The following ZSCAN5A variants were observed in gnomAD, a reference collection of about 807,000 sequenced individuals.
The protein encoded by ZSCAN5A is zinc finger and SCAN domain containing 5A, also known as zinc finger and SCAN domain-containing protein 5A.
Under a neutral mutation model 23.7 loss-of-function variants are expected in ZSCAN5A, and 12 were observed. The observed-to-expected ratio is 0.51, with a 90% CI of 0.32 to 0.82. The LOEUF (loss-of-function observed/expected upper bound fraction) is 0.82. Ranked by LOEUF, ZSCAN5A falls within the 40% of genes least tolerant of loss-of-function variation. The probability of loss-of-function intolerance (pLI) is 0.03; values close to 1 mark genes in which losing one functional copy is unlikely to be tolerated. For synonymous variants in ZSCAN5A, 257 were observed against 239.9 expected (o/e 1.07, Z -0.66); for missense variants, 597 against 617.9 (o/e 0.97, Z 0.36).
In ZSCAN5A at chr19:56,302,820, G is replaced by A. The variant is rs150178786; in HGVS notation, c.-128+10463C>T. On this transcript the variant is annotated intron_variant, in intron 2 of 5. Coordinates refer to ENST00000683990, the MANE Select transcript of ZSCAN5A (RefSeq NM_001322064.3). ...CACTCATTCTGCCTCTCTCTCTGCC[G>A]CTGTCTCTTGTTCTTTCTAAGGGAC... The A allele has an allele frequency of 2.5e-4, 98 of 398,572 alleles. No individual in the cohort carries two copies. The East Asian group carries it at 2.5e-3, about 10-fold the overall frequency. 24.7% of individuals were successfully genotyped at this position (398,572 alleles called of 1,614,324 possible). A position where few individuals can be genotyped will look rare whatever the true frequency, so the allele number is the denominator to read the frequency against.
At chr19:56,263,972 C>CTTTTT (rs35570967) in intron 2 of ZSCAN5A, among the ~76,000 whole-genome samples, 1 of 140,342 alleles carries the variant, frequency 7.1e-6, no homozygotes, top group Non-Finnish European at 1.5e-5. Context: ...CCAAGAAAAA[C>CTTTTT]TTTTTTTTTT....
chr19:56,283,394 A>G (rs1021445967), intron 2 of ZSCAN5A: 37 of 152,296 alleles, frequency 2.4e-4, no homozygotes, highest in African/African-American at 8.2e-4. Flanking sequence ...AGGAAACAAT[A>G]TCTCCATTTT....
intron 2 of ZSCAN5A, among the ~76,000 whole-genome samples, chr19:56,325,135 A>G (rs925948733): frequency 3.3e-5 from 5 of 152,216 alleles, no homozygotes; most frequent in Non-Finnish European, 7.3e-5. Context: ...AAATAGATGT[A>G]TATCTTTTCC....
chr19:56,238,469 A>C (rs566028247), intron 2 of ZSCAN5A, among the ~76,000 whole-genome samples: 2 of 152,286 alleles, frequency 1.3e-5, no homozygotes, highest in South Asian at 4.1e-4. Context: ...TCTTTACAAA[A>C]AAATCTTTTA....
chr19:56,349,704 CAAAAAAAAAAAAAAA>C (rs3059533), intron 2 of ZSCAN5A, among the ~76,000 whole-genome samples: 65 of 30,940 alleles, frequency 2.1e-3, no homozygotes, highest in African/African-American at 5.8e-3. Context: ...AACTCCGTCT[CAAAAAAAAAAAAAAA>C]AAAAAAAAAA....
chr19:56,323,093 A>C (rs1318266753), intron 2 of ZSCAN5A, among the ~76,000 whole-genome samples: 1 of 151,670 alleles, frequency 6.6e-6, no homozygotes, highest in African/African-American at 2.4e-5. Flanking sequence ...ACGGGGTTTC[A>C]CCTTGTTAGC....
intron 2 of ZSCAN5A, among the ~76,000 whole-genome samples, chr19:56,332,199 T>C (rs1447094142): frequency 6.6e-6 from 1 of 152,176 alleles, no homozygotes; most frequent in Non-Finnish European, 1.5e-5. Context: ...AAGTGTCAGA[T>C]TTAAGTCCAG....
chr19:56,331,711 C>T (rs960905884), intron 2 of ZSCAN5A, among the ~76,000 whole-genome samples: 1 of 149,936 alleles, frequency 6.7e-6, no homozygotes, highest in African/African-American at 2.5e-5. Context: ...CTTCAGCTTC[C>T]TGAGTAGCTG....
At chr19:56,286,611 A>G (rs2039144900) in intron 2 of ZSCAN5A, 1 of 152,236 alleles carries the variant, frequency 6.6e-6, no homozygotes, top group South Asian at 2.1e-4. Flanking sequence ...GTTTTCTGCC[A>G]AGGCTCTTTG....
At chr19:56,243,839 G>A (rs956175460) in intron 2 of ZSCAN5A, among the ~76,000 whole-genome samples, 6 of 149,908 alleles carry the variant, frequency 4.0e-5, no homozygotes, top group East Asian at 2.1e-4. Context: ...AAGAAGTGGC[G>A]TCCAGGATTT....
intron 1 of ZSCAN5A, among the ~76,000 whole-genome samples, chr19:56,366,735 T>A (rs1225103027): frequency 6.6e-6 from 1 of 152,250 alleles, no homozygotes; most frequent in Non-Finnish European, 1.5e-5. Context: ...GCATGTGATC[T>A]GGCAATGCCC....
intron 2 of ZSCAN5A, among the ~76,000 whole-genome samples, chr19:56,273,294 A>C (rs1044601521): frequency 3.3e-5 from 5 of 152,206 alleles, no homozygotes; most frequent in Admixed American, 6.5e-5. Flanking sequence ...ACATTACCAT[A>C]GTTAGATAAT....
At chr19:56,307,724 G>A (rs1360732798) in intron 2 of ZSCAN5A, among the ~76,000 whole-genome samples, 2 of 152,196 alleles carry the variant, frequency 1.3e-5, no homozygotes, top group African/African-American at 2.4e-5. Context: ...CCCAAGGTCT[G>A]TATGTAAAAC....
At chr19:56,364,383 A>G (rs544766100) in intron 1 of ZSCAN5A, among the ~76,000 whole-genome samples, 2 of 152,348 alleles carry the variant, frequency 1.3e-5, no homozygotes, top group African/African-American at 4.8e-5. Context: ...TATTGATATT[A>G]CTTTTGCTTC....
intron 2 of ZSCAN5A, among the ~76,000 whole-genome samples, chr19:56,297,031 T>TG (rs1447975535): frequency 4.0e-5 from 6 of 151,598 alleles, no homozygotes; most frequent in Admixed American, 2.6e-4. Context: ...ATCATGCCAT[T>TG]GCACTCCAGC....
At chr19:56,250,494 G>C (rs1470920372) in intron 2 of ZSCAN5A, among the ~76,000 whole-genome samples, 1 of 152,116 alleles carries the variant, frequency 6.6e-6, no homozygotes, top group Non-Finnish European at 1.5e-5. Context: ...TCAGTGACAG[G>C]CTCCAGGTGA....
In ZSCAN5A at chr19:56,222,312, C is replaced by T. The variant is rs1319753986; in HGVS notation, c.754G>A (p.Ala252Thr). ...LPKSPTDLVR[A>T]KEGKDPPKIA... is the part of the protein sequence containing the mutation. ...TTTGGGGGGTCCTTCCCCTCCTTTG[C>T]TCTCACCAGATCTGCTGGAAGAAGG... Residue 252 changes from alanine (A) to threonine (T), a missense_variant, in exon 6 of 6, where the codon GCA (alanine) becomes ACA (threonine). This residue lies in a region of ZSCAN5A where 406 missense variants were observed against 353.2 expected (regional missense o/e 1.15). Coordinates refer to ENST00000683990, the MANE Select transcript of ZSCAN5A (RefSeq NM_001322064.3). 1.2e-6 allele frequency: 2 copies of T among 1,611,670 alleles called. No homozygotes were observed. Among genetic ancestry groups the T allele is most frequent in the Admixed American group, 1.7e-5 (1 of 60,014 alleles).
Position 56,304,306 on chromosome 19 carries a change from A to G in ZSCAN5A, c.-128+8977T>C, listed in dbSNP as rs191780341. 1.8e-3 allele frequency among the ~76,000 whole-genome samples: 267 copies of G among 152,306 alleles called. 2 individuals are homozygous for G. Among genetic ancestry groups the G allele is most frequent in the African/African-American group, 6.1e-3 (255 of 41,572 alleles). On this transcript the variant is annotated intron_variant, in intron 2 of 5. Transcript: ENST00000683990. The stretch of plus-strand genomic sequence containing the variant: ...GAGAGACCAGGGAGATGAGCCTGAG[A>G]CAGTGACTTCAGTTATGCTAGTGGT...
intron 2 of ZSCAN5A, among the ~76,000 whole-genome samples, chr19:56,292,224 A>C (rs1303949039): frequency 6.6e-6 from 1 of 152,200 alleles, no homozygotes; most frequent in Non-Finnish European, 1.5e-5. Flanking sequence ...GGTAACATAC[A>C]TCTTTTAAAA....
Sources: allele counts gnomAD v4.1 joint callset (sites outside exome capture counted in the v4.1 genomes callset), GRCh38; gene constraint gnomAD v4.1.1; regional missense constraint gnomAD v4.1.1; transcripts MANE v1.5; gene names NCBI Gene and HGNC (gene_info 2026-07-23, HGNC 2026-07-21).